SCAF8: variants seen among roughly 807,000 people sequenced by gnomAD.
SCAF8 encodes SR-related and CTD-associated factor 8.
Under a neutral mutation model 140.5 loss-of-function variants are expected in SCAF8, and 23 were observed. The ratio of observed to expected loss-of-function variants is 0.16; its 90% CI spans 0.12 to 0.23. The LOEUF (loss-of-function observed/expected upper bound fraction) is 0.23, where lower values mean the gene tolerates loss of function less well. SCAF8 is among the 10% of genes least tolerant of loss of function. The pLI, the probability that SCAF8 is intolerant of heterozygous loss-of-function variation, is 1.00. For missense variants in SCAF8, 1,397 were observed against 1,555.7 expected, an observed-to-expected ratio of 0.90 and a Z score of 1.72; for synonymous variants, 575 against 528.9, an observed-to-expected ratio of 1.09 and a Z score of -1.20.
At position 154,822,291 on chromosome 6, in the gene SCAF8, A is replaced by C; in HGVS notation, c.1808A>C (p.Lys603Thr). The C allele has an allele frequency of 6.2e-7, 1 of 1,607,694 alleles. No homozygotes were observed. The highest frequency in any genetic ancestry group is 8.5e-7 in the Non-Finnish European group (1 of 1,177,622). ...ETVNTEWETV[K>T]SSEPVKETVQ... Reference sequence around the variant, plus strand: ...TTTTGTTTAGAGTGGGAAACTGTGAAAAGCTCAGAACCTGTTAAAGAGACG... The same window carrying C: ...TTTTGTTTAGAGTGGGAAACTGTGACAAGCTCAGAACCTGTTAAAGAGACG... Residue 603 changes from lysine (K) to threonine (T), a missense_variant, in exon 16 of 20, where the codon AAA becomes ACA. This residue lies in a region of SCAF8 where 930 missense variants were observed against 874.6 expected (regional missense o/e 1.06). Transcript: ENST00000367178.
At chr6:154,738,020 A>G (rs1171014179) in intron 1 of SCAF8, among the ~76,000 whole-genome samples, 1 of 151,932 alleles carries the variant, frequency 6.6e-6, no homozygotes, top group African/African-American at 2.4e-5. Context: ...GATGCCAGAG[A>G]CTTTAGGAAT....
intron 2 of SCAF8, 132 bp downstream of exon 2, chr6:154,774,204 CAAAA>C (rs1776853622): frequency 1.5e-6 from 1 of 645,764 alleles, no homozygotes; most frequent in Non-Finnish European, 2.7e-6. Context: ...TGGAAAAACA[CAAAA>C]AAGAAAATCT....
chr6:154,734,494 A>G (rs1778356082), intron 1 of SCAF8, among the ~76,000 whole-genome samples: 1 of 152,228 alleles, frequency 6.6e-6, no homozygotes. Flanking sequence ...GTTGGTAGGC[A>G]GGCAAAGGTT....
At chr6:154,785,579 G>A (rs963359413) in intron 3 of SCAF8, among the ~76,000 whole-genome samples, 1 of 152,138 alleles carries the variant, frequency 6.6e-6, no homozygotes, top group Non-Finnish European at 1.5e-5. Flanking sequence ...TGCTTTGCAG[G>A]TACAGCCACA....
chr6:154,776,297 GTATATATATATATGTATATATA>G (rs1383358001), intron 2 of SCAF8, among the ~76,000 whole-genome samples: 1 of 43,214 alleles, frequency 2.3e-5, no homozygotes, highest in Non-Finnish European at 4.2e-5. Flanking sequence ...GTGTATATAT[GTATATATATATATGTATATATA>G]TAAACACTAC....
At position 154,814,078 on chromosome 6, in the gene SCAF8, CTG is replaced by C. The variant is rs552517839; in HGVS notation, c.1421-1636_1421-1635del. ...CAAGGCTAGGCATGGTGGCTTGCCTCTGTAATTCCAGCACTTTGAAATTACTT... is the reference window on the plus strand; with the variant it reads ...CAAGGCTAGGCATGGTGGCTTGCCTCTAATTCCAGCACTTTGAAATTACTT... On this transcript the variant is annotated intron_variant, in intron 12 of 19. Coordinates refer to ENST00000367178, the MANE Select transcript of SCAF8 (RefSeq NM_014892.5). Among the ~76,000 whole-genome samples, 353 of 152,378 alleles carry C rather than the reference CTG, an allele frequency of 2.3e-3. 2 individuals are homozygous for C. The highest frequency in any genetic ancestry group is 8.2e-3 in the African/African-American group (339 of 41,592).
At chr6:154,813,272 C>T (rs576145399) in intron 12 of SCAF8, among the ~76,000 whole-genome samples, 295 of 152,174 alleles carry the variant, frequency 1.9e-3, no homozygotes, top group African/African-American at 6.6e-3. Context: ...AACCTATAAT[C>T]CCAGTACTTT....
At chr6:154,811,005 C>T (rs956404332) in intron 12 of SCAF8, among the ~76,000 whole-genome samples, 8 of 152,070 alleles carry the variant, frequency 5.3e-5, no homozygotes, top group Admixed American at 2.0e-4. Flanking sequence ...GCTACTAGAG[C>T]GTCTTGGAAA....
At chr6:154,784,863 C>T (rs9478582) in intron 3 of SCAF8, among the ~76,000 whole-genome samples, 88,595 of 151,966 alleles carry the variant, frequency 0.58, 27,739 homozygotes, top group East Asian at 0.91. Flanking sequence ...CAGAAAACAA[C>T]ATATACAGCC....
intron 8 of SCAF8, among the ~76,000 whole-genome samples, chr6:154,805,148 T>TG (rs1777875835): frequency 6.6e-6 from 1 of 152,218 alleles, no homozygotes; most frequent in Non-Finnish European, 1.5e-5. Flanking sequence ...AGAGCATCTC[T>TG]GACACGTTAT....
At chr6:154,736,974 T>A (rs73010907) in intron 1 of SCAF8, among the ~76,000 whole-genome samples, 2,558 of 152,340 alleles carry the variant, frequency 0.017, 27 homozygotes, top group Non-Finnish European at 0.023. Context: ...AATACTTTTT[T>A]TTTTAAACAC....
chr6:154,733,590 C>T lies in SCAF8; in HGVS notation c.-311C>T. ...TAGAGGGAGGGGGACCGAAACGGAG[C>T]GGGGCAGAGAAGAGAAGGCGCCGCG... On this transcript the variant is annotated 5_prime_UTR_variant, in exon 1 of 20. Coordinates refer to ENST00000367178, the MANE Select transcript of SCAF8 (RefSeq NM_014892.5). 1 of 1,284,184 alleles carries T rather than the reference C, an allele frequency of 7.8e-7. No individual in the cohort carries two copies. Among genetic ancestry groups the T allele is most frequent in the Non-Finnish European group, 9.8e-7 (1 of 1,018,602 alleles). The allele number at this position is 1,284,184 out of a possible 1,614,324, so 79.5% of individuals were successfully genotyped here.
At chr6:154,789,836 C>T (rs573303420) in intron 4 of SCAF8, among the ~76,000 whole-genome samples, 4 of 152,286 alleles carry the variant, frequency 2.6e-5, no homozygotes, top group East Asian at 3.9e-4. Context: ...TGAGCCACCG[C>T]GCCTGGCCTA....
intron 14 of SCAF8, among the ~76,000 whole-genome samples, chr6:154,818,843 C>T (rs1026520046): frequency 6.6e-6 from 1 of 152,150 alleles, no homozygotes; most frequent in Non-Finnish European, 1.5e-5. Context: ...TCAATTACTT[C>T]CTTGAAATTA....
Position 154,815,783 on chromosome 6 carries a change from G to T in SCAF8, c.1488G>T (p.Leu496=), listed in dbSNP as rs531092567. The part of the protein sequence containing the change: ...KKATQQDLTN[L]FEEFGQIESI... The stretch of plus-strand genomic sequence containing the variant: ...CAACACAGCAAGACTTAACCAACCT[G>T]TTTGAAGAGTTTGGACAGATTGAAT... Residue 496 remains leucine (L), a synonymous_variant, in exon 13 of 20, where the codon CTG becomes CTT. Transcript: ENST00000367178. 6.2e-7 allele frequency: 1 copy of T among 1,612,232 alleles called. No individual in the cohort carries two copies. Among genetic ancestry groups the T allele is most frequent in the Admixed American group, 1.7e-5 (1 of 59,998 alleles).
rs984679984 is a variant in SCAF8, at chr6:154,778,653, A to G, written c.159+608A>G. ...GTAGTGCATGCCTGTAATCCCAGCTACTTGGGAGGCTGAGGCACAAGAATT... is the reference window on the plus strand; with the variant it reads ...GTAGTGCATGCCTGTAATCCCAGCTGCTTGGGAGGCTGAGGCACAAGAATT... On this transcript the variant is annotated intron_variant, in intron 3 of 19. Transcript: ENST00000367178. Among the ~76,000 whole-genome samples the G allele has an allele frequency of 8.5e-5, 13 of 152,084 alleles. No homozygotes were observed. The East Asian group carries it at 9.6e-4, about 11-fold the overall frequency.
rs190064465 is a variant in SCAF8 at position 154,784,678 on chromosome 6, T to C, written c.160-3183T>C. On this transcript the variant is annotated intron_variant, in intron 3 of 19. Coordinates refer to ENST00000367178, the MANE Select transcript of SCAF8 (RefSeq NM_014892.5). ...ACAGTAATCTAGAGCTGATTTAAAGTAGATGGGATGATGTCCGTAGGTTAT... is the reference window on the plus strand; with the variant it reads ...ACAGTAATCTAGAGCTGATTTAAAGCAGATGGGATGATGTCCGTAGGTTAT... Among the ~76,000 whole-genome samples the C allele has an allele frequency of 2.0e-5, 3 of 152,278 alleles. No homozygotes were observed. In the East Asian group the frequency reaches 5.8e-4, roughly 29 times the overall value.
intron 2 of SCAF8, 136 bp downstream of exon 2, chr6:154,774,208 A>G (rs1554259625): frequency 2.8e-5 from 18 of 639,486 alleles, no homozygotes; most frequent in South Asian, 2.7e-4. Context: ...AAAACACAAA[A>G]AAGAAAATCT....
At chr6:154,814,542 T>G (rs935345613) in intron 12 of SCAF8, among the ~76,000 whole-genome samples, 43 of 152,170 alleles carry the variant, frequency 2.8e-4, no homozygotes, top group Admixed American at 1.9e-3. Flanking sequence ...TTGAAAAGCC[T>G]AGGGCACTCA....
Sources: allele counts gnomAD v4.1 joint callset (sites outside exome capture counted in the v4.1 genomes callset), GRCh38; gene constraint gnomAD v4.1.1; regional missense constraint gnomAD v4.1.1; transcripts MANE v1.5; gene names NCBI Gene and HGNC (gene_info 2026-07-23, HGNC 2026-07-21).